Variants in PIK3C2B observed in about 807,000 individuals in gnomAD.
PIK3C2B encodes the protein phosphatidylinositol-4-phosphate 3-kinase catalytic subunit type 2 beta, also known as phosphatidylinositol 4-phosphate 3-kinase C2 domain-containing subunit beta.
A neutral mutation model predicts 184.3 loss-of-function variants in PIK3C2B; 83 were observed. The observed-to-expected ratio is 0.45, with a 90% CI of 0.38 to 0.54. PIK3C2B has a LOEUF of 0.54. Ranked by LOEUF, PIK3C2B falls within the 20% of genes least tolerant of loss-of-function variation. The probability of loss-of-function intolerance (pLI) is 0.00; values close to 1 mark genes in which losing one functional copy is unlikely to be tolerated. For missense variants in PIK3C2B, 1,736 were observed against 2,113.5 expected, an observed-to-expected ratio of 0.82 and a Z score of 3.50; for synonymous variants, 779 against 837.6, an observed-to-expected ratio of 0.93 and a Z score of 1.21.
rs1287419017 is a variant in PIK3C2B, at chr1:204,469,015, A to G, written c.788T>C (p.Leu263Pro). The change falls in exon 2 of 33, where the codon CTG (leucine) becomes CCG (proline). Residue 263 changes from leucine to proline, a missense_variant. Physicochemically the swap from Leu to Pro is moderately conservative, Grantham distance 98. Transcript: ENST00000684373. ...TCCAGAGGTGTCTTTGCTGAAGTCC[A>G]GCGGCCCTCGGCCCTCCTTCCAGCC... ...TRGWKEGRGP[L>P]DFSKDTSGKP... 1.9e-6 allele frequency: 3 copies of G among 1,614,210 alleles called. No homozygotes were observed. Among genetic ancestry groups the G allele is most frequent in the South Asian group, 2.2e-5 (2 of 91,084 alleles).
Position 204,468,950 on chromosome 1 carries a change from G to T in PIK3C2B, c.853C>A (p.Pro285Thr). The part of the protein sequence containing the change: ...ARSKTMPPQV[P>T]PRTYASRYGN... ...TAGCGGGAGGCATAGGTGCGGGGGG[G>T]CACCTGAGGGGGCATAGTCTTGCTC... Residue 285 changes from proline (P) to threonine (T), a missense_variant, in exon 2 of 33, where the codon CCC (proline) becomes ACC (threonine). Physicochemically the swap from Pro to Thr is conservative, Grantham distance 38. Coordinates refer to ENST00000684373, the MANE Select transcript of PIK3C2B (RefSeq NM_001377334.1). 4 of 1,614,074 alleles carry T rather than the reference G, an allele frequency of 2.5e-6. No individual in the cohort carries two copies. The highest frequency in any genetic ancestry group is 3.4e-6 in the Non-Finnish European group (4 of 1,179,966).
chr1:204,463,209 G>A (rs1318505102), intron 5 of PIK3C2B, among the ~76,000 whole-genome samples: 1 of 152,230 alleles, frequency 6.6e-6, no homozygotes, highest in Non-Finnish European at 1.5e-5. Flanking sequence ...CCTAAGAAGT[G>A]AGACACAGGT....
At chr1:204,449,595 T>C (rs1469520961) in intron 13 of PIK3C2B, among the ~76,000 whole-genome samples, 1 of 152,220 alleles carries the variant, frequency 6.6e-6, no homozygotes, top group African/African-American at 2.4e-5. Context: ...CAAGACCAGA[T>C]GATCTATTAC....
intron 10 of PIK3C2B, 84 bp from the exon 11 acceptor site, chr1:204,456,135 T>A (rs1022833413): frequency 4.2e-5 from 49 of 1,175,034 alleles, no homozygotes; most frequent in Non-Finnish European, 6.0e-5. Context: ...TAGAATGGGA[T>A]GGCCTAAGAC....
rs745341064 is a variant in PIK3C2B at position 204,443,490 on chromosome 1, C to A, written c.2975G>T (p.Arg992Leu). Residue 992 changes from arginine (R) to leucine (L), a missense_variant, in exon 19 of 33, where the codon CGC becomes CTC. Coordinates refer to ENST00000684373, the MANE Select transcript of PIK3C2B (RefSeq NM_001377334.1). ...CAGGGCATTGACAAGCCAGCACTGGCGGTTAAACTCTTCTCTCAGCCCCTT... is the reference window on the plus strand; with the variant it reads ...CAGGGCATTGACAAGCCAGCACTGGAGGTTAAACTCTTCTCTCAGCCCCTT... ...CGKGLREEFN[R>L]QCWLVNALAK... 3 of 1,614,126 alleles carry A rather than the reference C, an allele frequency of 1.9e-6. No individual in the cohort carries two copies. The highest frequency in any genetic ancestry group is 2.2e-5 in the South Asian group (2 of 91,092).
At chr1:204,481,065 T>C (rs934091276) in intron 1 of PIK3C2B, among the ~76,000 whole-genome samples, 1 of 149,806 alleles carries the variant, frequency 6.7e-6, no homozygotes, top group Non-Finnish European at 1.5e-5. Context: ...CTCCACATAC[T>C]TTTCCCCCTG....
intron 1 of PIK3C2B, among the ~76,000 whole-genome samples, chr1:204,477,841 C>A (rs1340168896): frequency 6.6e-6 from 1 of 152,196 alleles, no homozygotes; most frequent in African/African-American, 2.4e-5. Flanking sequence ...CTAAAGACTA[C>A]AAGTATTCAG....
intron 1 of PIK3C2B, among the ~76,000 whole-genome samples, chr1:204,475,146 T>C (rs1656616548): frequency 6.6e-6 from 1 of 152,124 alleles, no homozygotes; most frequent in Non-Finnish European, 1.5e-5. Flanking sequence ...TGAGGGCTCT[T>C]CCTAAAATGT....
chr1:204,481,652 C>T (rs575076815), intron 1 of PIK3C2B, among the ~76,000 whole-genome samples: 63 of 152,288 alleles, frequency 4.1e-4, no homozygotes, highest in South Asian at 2.3e-3. Flanking sequence ...GGGGCAGCTC[C>T]GGCCCTTCCC....
intron 1 of PIK3C2B, among the ~76,000 whole-genome samples, chr1:204,486,178 C>A (rs1203613803): frequency 6.6e-6 from 1 of 151,994 alleles, no homozygotes; most frequent in East Asian, 1.9e-4. Context: ...GGCGGATCAC[C>A]AGAGGTCGGG....
Position 204,467,288 on chromosome 1 carries a change from C to T in PIK3C2B, c.933+1582G>A, listed in dbSNP as rs146836278. On this transcript the variant is annotated intron_variant, in intron 2 of 32. Transcript: ENST00000684373. ...GGAATCTCCCAGTCCCTATAAATAG[C>T]GGGAACAGCCCCACCTCTCAGAGCA... The T allele has an allele frequency of 2.9e-3, 581 of 202,840 alleles. 2 individuals are homozygous for T. Among genetic ancestry groups the T allele is most frequent in the South Asian group, 9.4e-3 (120 of 12,750 alleles). The allele number at this position is 202,840 out of a possible 1,614,324, so 12.6% of individuals were successfully genotyped here.
In PIK3C2B at chr1:204,427,656, G is replaced by A. The variant is rs1376328783; in HGVS notation, c.4579C>T (p.Arg1527Trp). The change falls in exon 31 of 33, where the codon CGG (arginine) becomes TGG (tryptophan). Residue 1527 changes from arginine to tryptophan, a missense_variant. Transcript: ENST00000684373. ...NKLFIMVMHI[R>W]GLQLLQDGND... ...GCTGTGCAGGCACTTACCAAGCCCC[G>A]AATATGCATCACCATGATGAAGAGT... 9 of 1,607,872 alleles carry A rather than the reference G, an allele frequency of 5.6e-6. No individual in the cohort carries two copies. Among genetic ancestry groups the A allele is most frequent in the Non-Finnish European group, 7.7e-6 (9 of 1,174,370 alleles).
chr1:204,434,340 G>A, intron 24 of PIK3C2B, 99 bp downstream of exon 24: 1 of 1,066,306 alleles, frequency 9.4e-7, no homozygotes, highest in Non-Finnish European at 1.4e-6. Context: ...ATGATCTGAG[G>A]CCCAGCTGCT....
intron 32 of PIK3C2B, 25 bp from the exon 33 acceptor site, chr1:204,425,065 G>T: frequency 6.3e-7 from 1 of 1,589,894 alleles, no homozygotes; most frequent in South Asian, 1.1e-5. Context: ...ATGGGTGAGG[G>T]AAGTGGTGAG....
In PIK3C2B at chr1:204,494,759, G is replaced by C. The variant is rs1203529030; in HGVS notation, c.-488C>G. The C allele has an allele frequency of 2.6e-5, 4 of 152,230 alleles. No individual in the cohort carries two copies. In the East Asian group the frequency reaches 7.8e-4, roughly 30 times the overall value. 9.4% of individuals were successfully genotyped at this position (152,230 alleles called of 1,614,324 possible). ...CGCGACGCTCGGCCAGACCCTGCCT[G>C]GACAGGCAGGCACCCGGCCGCCGGC... is the stretch of plus-strand genomic sequence containing the variant. On this transcript the variant is annotated 5_prime_UTR_variant, in exon 1 of 33. Coordinates refer to ENST00000684373, the MANE Select transcript of PIK3C2B (RefSeq NM_001377334.1).
At chr1:204,467,582 C>T (rs976724177) in intron 2 of PIK3C2B, among the ~76,000 whole-genome samples, 9 of 152,158 alleles carry the variant, frequency 5.9e-5, no homozygotes, top group African/African-American at 1.9e-4. Flanking sequence ...CACCTGTAAT[C>T]CCAGAACTTT....
intron 2 of PIK3C2B, chr1:204,466,898 G>A (rs1246697634): frequency 3.8e-6 from 2 of 533,176 alleles, no homozygotes; most frequent in African/African-American, 3.8e-5. Context: ...TGGCTCCGCT[G>A]GCCTGGGATA....
At position 204,424,861 on chromosome 1, in the gene PIK3C2B, G is replaced by T. The variant is rs757335746; in HGVS notation, c.4896C>A (p.Gly1632=). 6 of 1,613,952 alleles carry T rather than the reference G, an allele frequency of 3.7e-6. No individual in the cohort carries two copies. The highest frequency in any genetic ancestry group is 2.2e-5 in the East Asian group (1 of 44,872). The part of the protein sequence containing the change: ...GWFALGSRSH[G]TL Reference sequence around the variant, plus strand: ...GGTGGCTCTGCTGGGCTCACAAGGTGCCATGACTTCGAGATCCCAGGGCGA... The same window carrying T: ...GGTGGCTCTGCTGGGCTCACAAGGTTCCATGACTTCGAGATCCCAGGGCGA... The change falls in exon 33 of 33, where the codon GGC becomes GGA. Residue 1632 remains glycine (G), a synonymous_variant. Coordinates refer to ENST00000684373, the MANE Select transcript of PIK3C2B (RefSeq NM_001377334.1).
Position 204,480,803 on chromosome 1 carries a change from C to T in PIK3C2B, c.-84-10917G>A, listed in dbSNP as rs1211993451. On this transcript the variant is annotated intron_variant, in intron 1 of 32. Transcript: ENST00000684373. Reference sequence around the variant, plus strand: ...GGGAACCGGCTAAGGCGCCGACCAGCCCCCGCGCCATGCTTCTTTCTTCCC... The same window carrying T: ...GGGAACCGGCTAAGGCGCCGACCAGTCCCCGCGCCATGCTTCTTTCTTCCC... Among the ~76,000 whole-genome samples, 3 of 152,162 alleles carry T rather than the reference C, an allele frequency of 2.0e-5. 1 individual carries two copies. Among genetic ancestry groups the T allele is most frequent in the East Asian group, 3.9e-4 (2 of 5,166 alleles).
Sources: gnomAD v4.1 joint callset for allele counts (sites outside exome capture counted in the v4.1 genomes callset) on GRCh38, gnomAD v4.1.1 for gene constraint, MANE v1.5 for transcripts, NCBI Gene and HGNC (gene_info 2026-07-23, HGNC 2026-07-21) for gene names.